Variants in NCOR1 observed in about 807,000 individuals in gnomAD.
The protein encoded by NCOR1 is nuclear receptor corepressor 1.
Under a neutral mutation model 288.1 loss-of-function variants are expected in NCOR1, and 63 were observed. The ratio of observed to expected loss-of-function variants is 0.22; its 90% CI spans 0.18 to 0.27. The LOEUF (loss-of-function observed/expected upper bound fraction) is 0.27. NCOR1 is among the 10% of genes least tolerant of loss of function. The pLI is 1.00. For missense variants in NCOR1, 2,397 were observed against 3,019.2 expected, an observed-to-expected ratio of 0.79 and a Z score of 4.83; for synonymous variants, 1,007 against 1,065.9, an observed-to-expected ratio of 0.94 and a Z score of 1.08.
At chr17:16,096,156 C>A (rs558243389) in intron 21 of NCOR1, among the ~76,000 whole-genome samples, 2 of 152,164 alleles carry the variant, frequency 1.3e-5, no homozygotes, top group African/African-American at 4.8e-5. Context: ...ATCACCACTC[C>A]CCAATCTCAA....
chr17:16,071,289 C>G (rs1404128349), intron 30 of NCOR1, 120 bp downstream of exon 30: 1 of 1,362,306 alleles, frequency 7.3e-7, no homozygotes, highest in East Asian at 2.3e-5. Context: ...GTACAGGAAA[C>G]TTTCATGTTT....
chr17:16,209,561 T>A (rs2091918400), intron 1 of NCOR1, among the ~76,000 whole-genome samples: 1 of 147,598 alleles, frequency 6.8e-6, no homozygotes, highest in Non-Finnish European at 1.5e-5. Flanking sequence ...TCTCTATTTT[T>A]AAAAAATTAA....
In NCOR1 at chr17:16,101,392, T is replaced by G. The variant is rs754444492; in HGVS notation, c.2548A>C (p.Ser850Arg). The G allele has an allele frequency of 6.2e-7, 1 of 1,614,254 alleles. No homozygotes were observed. The highest frequency in any genetic ancestry group is 8.5e-7 in the Non-Finnish European group (1 of 1,180,054). Residue 850 changes from serine (S) to arginine (R), a missense_variant, in exon 20 of 46, where the codon AGT (serine) becomes CGT (arginine). Ser to Arg is a moderately radical substitution (Grantham distance 110). Transcript: ENST00000268712. ...TCATCTCTAGGTTCCACCTTCTCAC[T>G]GGCTCTATCCAAGTCTCTTTCTTTG... The part of the protein sequence containing the change: ...NTKERDLDRA[S>R]EKVEPRDEDL...
intron 42 of NCOR1, among the ~76,000 whole-genome samples, chr17:16,042,587 CCTA>C (rs1287669131): frequency 6.6e-6 from 1 of 152,130 alleles, no homozygotes; most frequent in Non-Finnish European, 1.5e-5. Flanking sequence ...GTGACTGGTA[CCTA>C]CTGTTGAGCA....
intron 6 of NCOR1, among the ~76,000 whole-genome samples, chr17:16,155,506 A>G (rs1179729835): frequency 1.3e-5 from 2 of 152,132 alleles, no homozygotes; most frequent in Non-Finnish European, 2.9e-5. Flanking sequence ...CTTACAACTG[A>G]TAGGGTAAAA....
At chr17:16,038,398 C>T (rs1033973411) in intron 44 of NCOR1, among the ~76,000 whole-genome samples, 1 of 151,854 alleles carries the variant, frequency 6.6e-6, no homozygotes, top group African/African-American at 2.4e-5. Context: ...ATGATGTGAT[C>T]TGAAGAACTG....
In NCOR1 at chr17:16,068,048, G is replaced by A. The variant is rs770164201; in HGVS notation, c.4587C>T (p.Ile1529=). The change falls in exon 32 of 46, where the codon ATC becomes ATT. Residue 1529 remains isoleucine, a synonymous_variant. Transcript: ENST00000268712. The stretch of plus-strand genomic sequence containing the variant: ...CCCCAGGCACTGGAGACTTCGCTGG[G>A]ATACTTTCCCTCTGGGTAGGGGTCA... ...STLTPTQRES[I]PAKSPVPGVD... is the part of the protein sequence containing the mutation. The A allele has an allele frequency of 3.7e-6, 6 of 1,614,148 alleles. No homozygotes were observed. The highest frequency in any genetic ancestry group is 1.1e-5 in the South Asian group (1 of 91,074).
rs1162272621 is a variant in NCOR1, at chr17:16,029,808, T to G, written c.*2488A>C. The G allele has an allele frequency of 3.3e-5, 5 of 152,604 alleles. No individual in the cohort carries two copies. The highest frequency in any genetic ancestry group is 1.2e-4 in the African/African-American group (5 of 41,472). 9.5% of individuals were successfully genotyped at this position (152,604 alleles called of 1,614,324 possible). A position where few individuals can be genotyped will look rare whatever the true frequency, so the allele number is the denominator to read the frequency against. ...TTAACTCTCATTCTGAGATTTCTTC[T>G]CCAGGTGATGGTAAATAAAGTAATA... On this transcript the variant is annotated 3_prime_UTR_variant, in exon 46 of 46. Coordinates refer to ENST00000268712, the MANE Select transcript of NCOR1 (RefSeq NM_006311.4).
chr17:16,074,385 T>C (rs1476515627), intron 27 of NCOR1, among the ~76,000 whole-genome samples: 1 of 152,134 alleles, frequency 6.6e-6, no homozygotes, highest in East Asian at 1.9e-4. Flanking sequence ...TACAGAGTAA[T>C]GGATGGATTC....
At chr17:16,040,276 C>G in intron 43 of NCOR1, 165 bp downstream of exon 43, 1 of 704,872 alleles carries the variant, frequency 1.4e-6, no homozygotes, top group Non-Finnish European at 2.6e-6. Context: ...ATCTCAGTTC[C>G]TTTCTGTGCT....
In NCOR1 at chr17:16,194,734, A is replaced by G. The variant is rs527533104; in HGVS notation, c.-70-95T>C. 49 of 430,986 alleles carry G rather than the reference A, an allele frequency of 1.1e-4. No homozygotes were observed. In the East Asian group the frequency reaches 1.6e-3, roughly 14 times the overall value. 26.7% of individuals were successfully genotyped at this position (430,986 alleles called of 1,614,324 possible). On this transcript the variant is annotated intron_variant, in intron 1 of 45. Transcript: ENST00000268712. Reference sequence around the variant, plus strand: ...ACTATAGCTACATAAATAAAACCACAATTACCAGTAAAAGCTTCCTCTCAT... The same window carrying G: ...ACTATAGCTACATAAATAAAACCACGATTACCAGTAAAAGCTTCCTCTCAT...
At chr17:16,052,048 G>A (rs900883476) in intron 40 of NCOR1, among the ~76,000 whole-genome samples, 6 of 152,074 alleles carry the variant, frequency 3.9e-5, no homozygotes, top group East Asian at 1.9e-4. Context: ...TCGCTTTGTC[G>A]CCCAGGCTGG....
In NCOR1 at chr17:16,186,645, T is replaced by A. The variant is rs1301673402; in HGVS notation, c.151A>T (p.Ser51Cys). 6.2e-7 allele frequency: 1 copy of A among 1,613,910 alleles called. No individual in the cohort carries two copies. Among genetic ancestry groups the A allele is most frequent in the Non-Finnish European group, 8.5e-7 (1 of 1,179,958 alleles). ...TGCTGCAAAAGCTGTGATGCCTGAC[T>A]CACTTCAAGATGAGAGGAACGATAA... ...PDYRSSHLEV[S>C]QASQLLQQQQ... Residue 51 changes from serine (S) to cysteine (C), a missense_variant, in exon 3 of 46, where the codon AGT becomes TGT. Transcript: ENST00000268712.
chr17:16,041,954 T>G (rs1295221803), intron 42 of NCOR1, among the ~76,000 whole-genome samples: 3 of 151,952 alleles, frequency 2.0e-5, no homozygotes, highest in Non-Finnish European at 2.9e-5. Context: ...GCCAGGATGG[T>G]CTTGATCTCC....
rs1231923655 is a variant in NCOR1 at position 16,030,632 on chromosome 17, A to C, written c.*1664T>G. ...CAAGTACTAGGAATGCTGACCACTA[A>C]GCCTGATCTAAAGTTTATGTTGGGG... On this transcript the variant is annotated 3_prime_UTR_variant, in exon 46 of 46. Transcript: ENST00000268712. The C allele has an allele frequency of 5.5e-6, 1 of 181,598 alleles. No homozygotes were observed. Among genetic ancestry groups the C allele is most frequent in the Non-Finnish European group, 1.2e-5 (1 of 85,158 alleles). 11.2% of individuals were successfully genotyped at this position (181,598 alleles called of 1,614,324 possible).
intron 39 of NCOR1, 40 bp downstream of exon 39, chr17:16,057,867 A>G: frequency 6.5e-7 from 1 of 1,548,538 alleles, no homozygotes; most frequent in Non-Finnish European, 8.7e-7. Context: ...CCCATGATCA[A>G]AAAAGAAAAA....
intron 18 of NCOR1, among the ~76,000 whole-genome samples, chr17:16,114,047 G>T (rs2070948045): frequency 2.0e-5 from 3 of 149,294 alleles, no homozygotes; most frequent in African/African-American, 4.9e-5. Flanking sequence ...AGTAAAAGAG[G>T]TTTAATGGAC....
chr17:16,161,811 T>A (rs924645263), intron 5 of NCOR1, among the ~76,000 whole-genome samples: 4 of 152,178 alleles, frequency 2.6e-5, no homozygotes, highest in Non-Finnish European at 5.9e-5. Context: ...GTACATTTCA[T>A]AATAATCATA....
chr17:16,181,149 ACT>A (rs753214272), intron 3 of NCOR1, among the ~76,000 whole-genome samples: 2 of 150,616 alleles, frequency 1.3e-5, no homozygotes, highest in African/African-American at 2.4e-5. Context: ...ACAGAGTGAG[ACT>A]CTGTCTAAAA....
Sources: gnomAD v4.1 joint callset for allele counts (sites outside exome capture counted in the v4.1 genomes callset) on GRCh38, gnomAD v4.1.1 for gene constraint, MANE v1.5 for transcripts, NCBI Gene and HGNC (gene_info 2026-07-23, HGNC 2026-07-21) for gene names.